The following ITGBL1 variants were observed in gnomAD, a reference collection of about 807,000 sequenced individuals.
ITGBL1 encodes integrin subunit beta like 1, also known as integrin beta-like protein 1.
A neutral mutation model predicts 68.5 loss-of-function variants in ITGBL1; 51 were observed. That is an observed-to-expected ratio of 0.74 (90% CI 0.59 to 0.94). ITGBL1 has a LOEUF of 0.94. ITGBL1 is among the 40% of genes least tolerant of loss of function. ITGBL1 has a pLI of 0.00. For missense variants in ITGBL1, 649 were observed against 647.4 expected, an observed-to-expected ratio of 1.00 and a Z score of -0.03; for synonymous variants, 209 against 227.3, an observed-to-expected ratio of 0.92 and a Z score of 0.72.
chr13:101,497,859 A>ATT (rs35353527), intron 2 of ITGBL1, among the ~76,000 whole-genome samples: 4,921 of 147,388 alleles, frequency 0.033, 174 homozygotes, highest in African/African-American at 0.098. Flanking sequence ...TAAGCTGATA[A>ATT]TTTTTTTTTT....
chr13:101,577,006 A>C (rs2050373826), intron 4 of ITGBL1, among the ~76,000 whole-genome samples: 1 of 152,058 alleles, frequency 6.6e-6, no homozygotes, highest in Middle Eastern at 3.4e-3. Flanking sequence ...GTGTGTGTTG[A>C]TAAACACCAC....
chr13:101,556,024 T>A (rs959685310), intron 2 of ITGBL1, among the ~76,000 whole-genome samples: 4 of 152,184 alleles, frequency 2.6e-5, no homozygotes, highest in Admixed American at 1.3e-4. Context: ...ACACTTTCAG[T>A]GTGGATAGTA....
chr13:101,642,889 T>C (rs1177079619), intron 7 of ITGBL1, among the ~76,000 whole-genome samples: 4 of 151,744 alleles, frequency 2.6e-5, no homozygotes, highest in Non-Finnish European at 5.9e-5. Flanking sequence ...TGCAGCGTTA[T>C]TTCTGAGGGC....
intron 2 of ITGBL1, among the ~76,000 whole-genome samples, chr13:101,458,349 G>A (rs1288472919): frequency 1.3e-5 from 2 of 152,218 alleles, no homozygotes; most frequent in African/African-American, 4.8e-5. Flanking sequence ...AAGCAAAAGT[G>A]TAGAAGCAGA....
chr13:101,490,442 C>T (rs2048760338), intron 2 of ITGBL1, among the ~76,000 whole-genome samples: 2 of 152,140 alleles, frequency 1.3e-5, no homozygotes, highest in Admixed American at 6.5e-5. Context: ...TGCACAGAGT[C>T]CTCTTAAGGA....
intron 7 of ITGBL1, among the ~76,000 whole-genome samples, chr13:101,606,313 ATGTCTTACATTC>A (rs1194812750): frequency 2.0e-5 from 3 of 151,000 alleles, no homozygotes; most frequent in Non-Finnish European, 1.5e-5. Context: ...AACTTAGATG[ATGTCTTACATTC>A]TGTATCCTGT....
chr13:101,563,173 A>G (rs1307292419), intron 2 of ITGBL1, among the ~76,000 whole-genome samples: 1 of 151,394 alleles, frequency 6.6e-6, no homozygotes, highest in African/African-American at 2.4e-5. Context: ...AAAAATTTAC[A>G]GAATTAAATG....
chr13:101,605,659 T>C (rs2030766070), intron 7 of ITGBL1, among the ~76,000 whole-genome samples: 1 of 151,692 alleles, frequency 6.6e-6, no homozygotes, highest in African/African-American at 2.4e-5. Flanking sequence ...CGTATGCACG[T>C]ATGTAGACAT....
At chr13:101,719,243 TGATAAA>T (rs2034834996), downstream of ITGBL1, 1 of 152,250 alleles carries the variant, frequency 6.6e-6, no homozygotes, top group African/African-American at 2.4e-5. Context: ...TTGTTCATCC[TGATAAA>T]AATAACAACT....
intron 2 of ITGBL1, among the ~76,000 whole-genome samples, chr13:101,510,642 C>A (rs2049101098): frequency 6.6e-6 from 1 of 152,040 alleles, no homozygotes; most frequent in South Asian, 2.1e-4. Context: ...TTTTTCCTGC[C>A]AGCCTTGCCA....
chr13:101,473,235 A>G (rs1476644921), intron 2 of ITGBL1, among the ~76,000 whole-genome samples: 1 of 152,166 alleles, frequency 6.6e-6, no homozygotes, highest in Non-Finnish European at 1.5e-5. Flanking sequence ...ATACCATATC[A>G]AAGAAAGAGG....
chr13:101,566,219 C>T lies in ITGBL1; in HGVS notation c.317-1480C>T, dbSNP rs575678745. 1.1e-4 allele frequency among the ~76,000 whole-genome samples: 16 copies of T among 152,182 alleles called. No homozygotes were observed. The South Asian group carries it at 3.3e-3, about 32-fold the overall frequency. The stretch of plus-strand genomic sequence containing the variant: ...CAATTCCATATGGTTCAACCAAATA[C>T]ATTAATGTTATTAAAGAGTCAACAC... On this transcript the variant is annotated intron_variant, in intron 2 of 10. Coordinates refer to ENST00000376180, the MANE Select transcript of ITGBL1 (RefSeq NM_004791.3).
chr13:101,685,799 T>C (rs560744249), intron 7 of ITGBL1, among the ~76,000 whole-genome samples: 1 of 147,254 alleles, frequency 6.8e-6, no homozygotes, highest in South Asian at 2.1e-4. Context: ...GGCTGAGCCA[T>C]GGGGCAATCC....
chr13:101,530,039 A>G (rs968670743), intron 2 of ITGBL1, among the ~76,000 whole-genome samples: 4 of 152,230 alleles, frequency 2.6e-5, no homozygotes, highest in Non-Finnish European at 2.9e-5. Context: ...CTCAGGGAAT[A>G]TTGAGTAATC....
intron 2 of ITGBL1, among the ~76,000 whole-genome samples, chr13:101,536,237 T>C (rs1430540959): frequency 2.6e-5 from 4 of 151,970 alleles, no homozygotes; most frequent in Non-Finnish European, 4.4e-5. Context: ...ACAGTATTTG[T>C]ACCCTATCCC....
At chr13:101,613,776 T>G (rs2031237214) in intron 7 of ITGBL1, among the ~76,000 whole-genome samples, 1 of 152,062 alleles carries the variant, frequency 6.6e-6, no homozygotes, top group Non-Finnish European at 1.5e-5. Context: ...CCACCCGACT[T>G]GATTTGTCTG....
intron 2 of ITGBL1, among the ~76,000 whole-genome samples, chr13:101,548,452 T>G (rs1379650717): frequency 6.6e-6 from 1 of 151,846 alleles, no homozygotes; most frequent in Non-Finnish European, 1.5e-5. Flanking sequence ...AAATTTATCT[T>G]AATCTATGCC....
chr13:101,714,384 G>A (rs2034620304), intron 9 of ITGBL1, 54 bp from the exon 10 acceptor site: 1 of 1,006,624 alleles, frequency 9.9e-7, no homozygotes, highest in Non-Finnish European at 1.6e-6. Flanking sequence ...TTCTATTCGA[G>A]ATGGAAACCT....
Position 101,706,782 on chromosome 13 carries a change from T to A in ITGBL1, c.1159T>A (p.Cys387Ser). 6.2e-7 allele frequency: 1 copy of A among 1,614,146 alleles called. No homozygotes were observed. The highest frequency in any genetic ancestry group is 8.5e-7 in the Non-Finnish European group (1 of 1,179,996). ...CCACGGCACATGTTCCTGTGGTCGC[T>A]GTGTTTGTGAGAGAGGATGGTTTGG... is the stretch of plus-strand genomic sequence containing the variant. ...GGHGTCSCGR[C>S]VCERGWFGKL... is the part of the protein sequence containing the mutation. The change falls in exon 9 of 11, where the codon TGT (cysteine) becomes AGT (serine). Residue 387 changes from cysteine to serine, a missense_variant. Coordinates refer to ENST00000376180, the MANE Select transcript of ITGBL1 (RefSeq NM_004791.3).
Sources: gnomAD v4.1 joint callset for allele counts (sites outside exome capture counted in the v4.1 genomes callset) on GRCh38, gnomAD v4.1.1 for gene constraint, MANE v1.5 for transcripts, NCBI Gene and HGNC (gene_info 2026-07-23, HGNC 2026-07-21) for gene names.